CEP350: variants seen among roughly 807,000 people sequenced by gnomAD.
The protein encoded by CEP350 is centrosomal protein 350.
In CEP350, 126 loss-of-function variants were observed where a neutral mutation model predicts 331.8. The ratio of observed to expected loss-of-function variants is 0.38; its 90% CI spans 0.33 to 0.44. The LOEUF (loss-of-function observed/expected upper bound fraction) is 0.44, where lower values mean the gene tolerates loss of function less well. Among genes scored for constraint, CEP350 ranks in the 20% least tolerant of loss-of-function variants. The probability of loss-of-function intolerance (pLI) is 1.00; values close to 1 mark genes in which losing one functional copy is unlikely to be tolerated. For synonymous variants in CEP350, 1,200 were observed against 1,259.5 expected (o/e 0.95, Z 1.00); for missense variants, 3,406 against 3,634.6 (o/e 0.94, Z 1.62).
At chr1:179,997,293 G>A (rs1345987802) in intron 6 of CEP350, 118 bp downstream of exon 6, 3 of 1,231,232 alleles carry the variant, frequency 2.4e-6, no homozygotes, top group African/African-American at 3.0e-5. Flanking sequence ...GACTGCATAA[G>A]CACTTAGGGA....
intron 37 of CEP350, among the ~76,000 whole-genome samples, chr1:180,100,754 A>G (rs184869539): frequency 6.6e-5 from 10 of 152,234 alleles, no homozygotes; most frequent in Non-Finnish European, 1.3e-4. Flanking sequence ...TTGAGCTCAG[A>G]TCTTAAAGAT....
At chr1:180,108,185 C>A (rs913654604) in intron 37 of CEP350, among the ~76,000 whole-genome samples, 1 of 152,018 alleles carries the variant, frequency 6.6e-6, no homozygotes, top group Non-Finnish European at 1.5e-5. Flanking sequence ...CGAAATCTTA[C>A]ATTTCAGTGG....
In CEP350 at chr1:180,024,532, G is replaced by A. The variant is rs78647432; in HGVS notation, c.3500G>A (p.Arg1167His). 1.1e-5 allele frequency: 18 copies of A among 1,612,898 alleles called. No homozygotes were observed. Among genetic ancestry groups the A allele is most frequent in the East Asian group, 8.9e-5 (4 of 44,820 alleles). Residue 1167 changes from arginine (R) to histidine (H), a missense_variant, in exon 14 of 38, where the codon CGT becomes CAT. Around this residue, in one of 5 missense-constraint regions of CEP350, gnomAD observed 1,857 missense variants for 1,909.2 expected, o/e 0.97. Transcript: ENST00000367607. ...GGAGCCCAGTCTGCTGCATCGTCTCGTTCATCTACTTCTTCTAAAGGAAAG... is the reference window on the plus strand; with the variant it reads ...GGAGCCCAGTCTGCTGCATCGTCTCATTCATCTACTTCTTCTAAAGGAAAG... ...SSGAQSAASS[R>H]SSTSSKGKKG... is the part of the protein sequence containing the mutation.
intron 9 of CEP350, among the ~76,000 whole-genome samples, chr1:180,012,530 C>T (rs1430134410): frequency 6.6e-6 from 1 of 152,248 alleles, no homozygotes; most frequent in South Asian, 2.1e-4. Flanking sequence ...GATTTGGTGG[C>T]AGAACTGTTT....
At chr1:180,080,797 G>T (rs1232766644) in intron 30 of CEP350, 136 bp downstream of exon 30, 1 of 730,652 alleles carries the variant, frequency 1.4e-6, no homozygotes, top group Non-Finnish European at 2.4e-6. Context: ...TTGTGAAGAA[G>T]ATTAATACCA....
chr1:180,058,901 C>A (rs767602187), intron 25 of CEP350, among the ~76,000 whole-genome samples: 1 of 152,012 alleles, frequency 6.6e-6, no homozygotes, highest in Non-Finnish European at 1.5e-5. Context: ...TTGGTACAAC[C>A]GTATCCAAAA....
intron 13 of CEP350, among the ~76,000 whole-genome samples, chr1:180,023,659 A>C (rs977055656): frequency 3.9e-5 from 6 of 152,318 alleles, no homozygotes; most frequent in African/African-American, 1.4e-4. Context: ...CCTGATGTGG[A>C]AAGTATTACT....
At position 180,107,830 on chromosome 1, in the gene CEP350, A is replaced by AAAAACAAAAC. The variant is rs59243464; in HGVS notation, c.9190-3147_9190-3138dup. The stretch of plus-strand genomic sequence containing the variant: ...ACCCTGTCCCCTCCTCTGCTCCCAA[A>AAAAACAAAAC]AAAACAAAACAAAACAAAACAAAAC... On this transcript the variant is annotated intron_variant, in intron 37 of 37. Coordinates refer to ENST00000367607, the MANE Select transcript of CEP350 (RefSeq NM_014810.5). 6.8e-4 allele frequency among the ~76,000 whole-genome samples: 103 copies of AAAAACAAAAC among 150,424 alleles called. 1 individual carries two copies. The highest frequency in any genetic ancestry group is 4.6e-3 in the South Asian group (22 of 4,740).
intron 21 of CEP350, 91 bp from the exon 22 acceptor site, chr1:180,048,445 G>C: frequency 1.3e-6 from 1 of 768,012 alleles, no homozygotes; most frequent in South Asian, 1.8e-5. Flanking sequence ...TGACTATAAA[G>C]TACAGTCATT....
chr1:179,981,149 G>T (rs1459730251), intron 1 of CEP350, among the ~76,000 whole-genome samples: 1 of 152,062 alleles, frequency 6.6e-6, no homozygotes, highest in East Asian at 1.9e-4. Flanking sequence ...AAGTTATTTA[G>T]AAGTTAAATA....
chr1:179,984,833 T>C (rs985271254), intron 1 of CEP350, among the ~76,000 whole-genome samples: 5 of 152,196 alleles, frequency 3.3e-5, no homozygotes, highest in African/African-American at 7.2e-5. Flanking sequence ...TATTCTTATA[T>C]TTTTCAAACT....
chr1:180,093,758 A>G lies in CEP350; in HGVS notation c.7653A>G (p.Lys2551=), dbSNP rs1300027732. Residue 2551 remains lysine (K), a synonymous_variant, in exon 34 of 38, where the codon AAA becomes AAG. Transcript: ENST00000367607. ...TYDGIAYFEC[K]EKHGIFAPPQ... ...ATGGTATTGCATATTTTGAGTGCAA[A>G]GAAAAGCATGGTATTTTTGCTCCTC... is the stretch of plus-strand genomic sequence containing the variant. The G allele has an allele frequency of 3.7e-6, 6 of 1,614,018 alleles. No individual in the cohort carries two copies. The highest frequency in any genetic ancestry group is 5.1e-6 in the Non-Finnish European group (6 of 1,179,860).
intron 36 of CEP350, among the ~76,000 whole-genome samples, chr1:180,097,166 A>T (rs1660528732): frequency 6.6e-6 from 1 of 152,264 alleles, no homozygotes; most frequent in African/African-American, 2.4e-5. Flanking sequence ...CCCATAAGCC[A>T]AATCCAGGCC....
At chr1:180,043,475 G>C (rs148641023) in intron 20 of CEP350, among the ~76,000 whole-genome samples, 18 of 152,318 alleles carry the variant, frequency 1.2e-4, no homozygotes, top group African/African-American at 4.3e-4. Flanking sequence ...GTCAGAGAAG[G>C]CTTTCCTGAG....
At position 180,113,104 on chromosome 1, in the gene CEP350, C is replaced by G. The variant is rs1176182613; in HGVS notation, c.*1943C>G. On this transcript the variant is annotated 3_prime_UTR_variant, in exon 38 of 38. Coordinates refer to ENST00000367607, the MANE Select transcript of CEP350 (RefSeq NM_014810.5). Reference sequence around the variant, plus strand: ...GTTATTAACCAGTAGTGTGGAAATACTAGTTTTATGTGGCCAAGGAAAAGC... The same window carrying G: ...GTTATTAACCAGTAGTGTGGAAATAGTAGTTTTATGTGGCCAAGGAAAAGC... 6.6e-6 allele frequency: 1 copy of G among 152,530 alleles called. No homozygotes were observed. Among genetic ancestry groups the G allele is most frequent in the Non-Finnish European group, 1.5e-5 (1 of 68,018 alleles). 9.4% of individuals were successfully genotyped at this position (152,530 alleles called of 1,614,324 possible).
At position 180,025,820 on chromosome 1, in the gene CEP350, A is replaced by G. The variant is rs556169276; in HGVS notation, c.3550+1238A>G. Among the ~76,000 whole-genome samples, 50 of 152,182 alleles carry G rather than the reference A, an allele frequency of 3.3e-4. 2 individuals carry two copies. Among genetic ancestry groups the G allele is most frequent in the Non-Finnish European group, 4.1e-4 (28 of 68,006 alleles). On this transcript the variant is annotated intron_variant, in intron 14 of 37. Transcript: ENST00000367607. ...GCATGCGGGGCTTAAAACCTAGATG[A>G]TGGGTTGATAGGTGTAGCAAACCAC...
chr1:179,965,922 G>A (rs1050024006), intron 1 of CEP350, among the ~76,000 whole-genome samples: 3 of 151,926 alleles, frequency 2.0e-5, no homozygotes, highest in South Asian at 2.1e-4. Flanking sequence ...CACTGTGCTC[G>A]GCCTACAGGT....
At chr1:179,959,583 C>T (rs1650432506) in intron 1 of CEP350, among the ~76,000 whole-genome samples, 1 of 152,182 alleles carries the variant, frequency 6.6e-6, no homozygotes, top group Admixed American at 6.5e-5. Context: ...AAGGAAACCC[C>T]ATCTCTACTA....
intron 24 of CEP350, 105 bp from the exon 25 acceptor site, chr1:180,054,310 T>C (rs868522604): frequency 3.2e-6 from 3 of 934,024 alleles, no homozygotes; most frequent in Admixed American, 2.3e-5. Context: ...CATTTGAAAA[T>C]GTTAAATTGG....
Sources: gnomAD v4.1 joint callset for allele counts (sites outside exome capture counted in the v4.1 genomes callset) on GRCh38, gnomAD v4.1.1 for gene constraint, gnomAD v4.1.1 regional missense constraint, MANE v1.5 for transcripts, NCBI Gene and HGNC (gene_info 2026-07-23, HGNC 2026-07-21) for gene names.